The following IL3RA variants were observed in gnomAD, a reference collection of about 807,000 sequenced individuals.
The protein encoded by IL3RA is interleukin-3 receptor subunit alpha.
In IL3RA, 73 loss-of-function variants were observed where a neutral mutation model predicts 52.3. The observed-to-expected ratio is 1.40, with a 90% CI of 1.16 to 1.70. The LOEUF (loss-of-function observed/expected upper bound fraction) is 1.70. Among genes scored for constraint, IL3RA ranks in the 40% most tolerant of loss-of-function variants. The pLI is 0.00. For synonymous variants in IL3RA, 260 were observed against 194.0 expected, an observed-to-expected ratio of 1.34 and a Z score of -2.83; for missense variants, 664 against 504.4, an observed-to-expected ratio of 1.32 and a Z score of -3.03.
At chrX:1,350,018 A>G (rs761507350) in intron 4 of IL3RA, among the ~76,000 whole-genome samples, 141 of 152,030 alleles carry the variant, frequency 9.3e-4, no homozygotes, top group African/African-American at 3.2e-3. Context: ...AAAAAAGACC[A>G]CTCCAGAGCG....
chrX:1,355,819 T>G (rs1345052783), intron 6 of IL3RA, among the ~76,000 whole-genome samples: 3 of 145,032 alleles, frequency 2.1e-5, no homozygotes, highest in Admixed American at 1.4e-4. Flanking sequence ...AAGTAGGGGT[T>G]GGCCCTGGGC....
chrX:1,343,872 C>G (rs28824289), intron 2 of IL3RA, among the ~76,000 whole-genome samples: 1 of 149,258 alleles, frequency 6.7e-6, no homozygotes, highest in African/African-American at 2.5e-5. Context: ...CTCAGCTCAC[C>G]GCAACCTCCG....
chrX:1,338,807 T>TG (rs1230900403), intron 1 of IL3RA, among the ~76,000 whole-genome samples: 119 of 140,694 alleles, frequency 8.5e-4, no homozygotes, highest in African/African-American at 2.1e-3. Context: ...ATAGAAGTGG[T>TG]GGTTTTTTTT....
chrX:1,378,468 TCAGGTGGCCTG>T (rs765261722), intron 9 of IL3RA, among the ~76,000 whole-genome samples, 180 bp from the exon 10 acceptor site: 1 of 152,208 alleles, frequency 6.6e-6, no homozygotes, highest in East Asian at 1.9e-4. Context: ...GTCCTGGTAC[TCAGGTGGCCTG>T]CAGGTGGCCC....
intron 9 of IL3RA, among the ~76,000 whole-genome samples, chrX:1,378,031 C>CAA (rs2088909818): frequency 6.6e-6 from 1 of 150,918 alleles, no homozygotes; most frequent in South Asian, 2.1e-4. Flanking sequence ...ATGAGAAATA[C>CAA]AAAAATTACC....
intron 9 of IL3RA, among the ~76,000 whole-genome samples, chrX:1,368,213 C>G (rs368956661): frequency 2.6e-5 from 4 of 151,576 alleles, no homozygotes; most frequent in East Asian, 2.0e-4. Flanking sequence ...GAGCCGAGAT[C>G]GCGCCACTGT....
intron 8 of IL3RA, among the ~76,000 whole-genome samples, chrX:1,361,728 GGGT>G (rs1194498416): frequency 9.8e-5 from 14 of 142,716 alleles, no homozygotes; most frequent in Admixed American, 2.2e-4. Flanking sequence ...ACTCCAGCCT[GGGT>G]GACAGAGTGA....
At chrX:1,381,321 C>T (rs2089167356) in intron 11 of IL3RA, among the ~76,000 whole-genome samples, 1 of 152,072 alleles carries the variant, frequency 6.6e-6, no homozygotes, top group African/African-American at 2.4e-5. Context: ...TCACTTGAAC[C>T]CGGGAGGTGG....
chrX:1,358,792 G>A, intron 7 of IL3RA, 69 bp from the exon 8 acceptor site: 1 of 1,577,116 alleles, frequency 6.3e-7, no homozygotes, highest in Non-Finnish European at 8.7e-7. Context: ...GGAGAAATTT[G>A]AGTTTGGGAG....
chrX:1,341,820 A>G lies in IL3RA; in HGVS notation c.55A>G (p.Thr19Ala). The G allele has an allele frequency of 1.9e-6, 3 of 1,613,894 alleles. No individual in the cohort carries two copies. Among genetic ancestry groups the G allele is most frequent in the Non-Finnish European group, 2.5e-6 (3 of 1,179,836 alleles). Reference protein sequence around the residue: ...LLIALPCLLQTKEDPNPPITN... With the variant: ...LLIALPCLLQAKEDPNPPITN... ...GATCGCCCTGCCCTGTCTCCTGCAA[A>G]CGAAGGAAGGTAAGAACTGGAGAAA... The change falls in exon 2 of 12, where the codon ACG becomes GCG. Residue 19 changes from threonine (T) to alanine (A), a missense_variant. Coordinates refer to ENST00000331035, the MANE Select transcript of IL3RA (RefSeq NM_002183.4).
chrX:1,346,018 C>T (rs17886027), intron 3 of IL3RA, among the ~76,000 whole-genome samples: 2,737 of 152,008 alleles, frequency 0.018, 115 homozygotes, highest in African/African-American at 0.062. Context: ...ATGACTGGTG[C>T]GAAACCCAAC....
At position 1,381,114 on chromosome X, in the gene IL3RA, T is replaced by C. The variant is rs1400571323; in HGVS notation, c.1062+10T>C. 3 of 1,613,580 alleles carry C rather than the reference T, an allele frequency of 1.9e-6. No individual in the cohort carries two copies. Among genetic ancestry groups the C allele is most frequent in the Non-Finnish European group, 2.5e-6 (3 of 1,179,670 alleles). ...CCAAAACGACAAGCTGGTATGTTGT[T>C]TTTTCTGCCTTGGGACGGGTCTGGA... On this transcript the variant is annotated intron_variant, in intron 11 of 11. Coordinates refer to ENST00000331035, the MANE Select transcript of IL3RA (RefSeq NM_002183.4).
At chrX:1,360,694 T>A (rs1433438675) in intron 8 of IL3RA, among the ~76,000 whole-genome samples, 1 of 151,874 alleles carries the variant, frequency 6.6e-6, no homozygotes, top group Non-Finnish European at 1.5e-5. Flanking sequence ...AACTTTTTTT[T>A]TTTTTTGTAT....
chrX:1,363,699 A>G (rs2087673109), intron 8 of IL3RA, among the ~76,000 whole-genome samples: 1 of 151,960 alleles, frequency 6.6e-6, no homozygotes, highest in South Asian at 2.1e-4. Flanking sequence ...TCAAATATGA[A>G]TGGTCTTTTC....
intron 4 of IL3RA, 148 bp downstream of exon 4, chrX:1,348,693 T>TTCG: frequency 2.3e-6 from 1 of 431,710 alleles, no homozygotes; most frequent in East Asian, 3.1e-5. Flanking sequence ...TTTCTTTCTT[T>TTCG]TTCTTTCTTT....
chrX:1,357,029 T>G (rs2086789012), intron 7 of IL3RA, among the ~76,000 whole-genome samples: 1 of 151,756 alleles, frequency 6.6e-6, no homozygotes. Flanking sequence ...CTTGACTCAC[T>G]GCAACCTCTG....
In IL3RA at chrX:1,382,480, G is replaced by A; in HGVS notation, c.*15G>A. Reference sequence around the variant, plus strand: ...AGAAAACTTGAGACTGGGGTTCAGGGCTTGTGGGGGTCTGCCTCAATCTCC... The same window carrying A: ...AGAAAACTTGAGACTGGGGTTCAGGACTTGTGGGGGTCTGCCTCAATCTCC... On this transcript the variant is annotated 3_prime_UTR_variant, in exon 12 of 12. Transcript: ENST00000331035. 6.2e-7 allele frequency: 1 copy of A among 1,612,216 alleles called. No individual in the cohort carries two copies. Among genetic ancestry groups the A allele is most frequent in the African/African-American group, 1.3e-5 (1 of 74,790 alleles).
intron 10 of IL3RA, among the ~76,000 whole-genome samples, chrX:1,380,701 A>C (rs2149228483): frequency 2.0e-5 from 2 of 101,560 alleles, no homozygotes; most frequent in African/African-American, 3.9e-5. Context: ...AGGGGGAGGA[A>C]GAGGGGGACG....
chrX:1,377,385 C>T (rs1416396949), intron 9 of IL3RA, among the ~76,000 whole-genome samples: 7 of 151,930 alleles, frequency 4.6e-5, no homozygotes, highest in Admixed American at 3.3e-4. Context: ...GGATGACAGG[C>T]GCCCGCCACC....
Sources: gnomAD v4.1 joint callset for allele counts (sites outside exome capture counted in the v4.1 genomes callset) on GRCh38, gnomAD v4.1.1 for gene constraint, MANE v1.5 for transcripts, NCBI Gene and HGNC (gene_info 2026-07-23, HGNC 2026-07-21) for gene names.